The following TTC1 variants were observed in gnomAD, a reference collection of about 807,000 sequenced individuals.
TTC1 encodes the protein tetratricopeptide repeat domain 1, also known as tetratricopeptide repeat protein 1.
TTC1 carries 31 observed loss-of-function variants against 37.6 expected under a neutral mutation model. The ratio of observed to expected loss-of-function variants is 0.82; its 90% CI spans 0.62 to 1.11. The LOEUF is 1.11. Ranked by LOEUF, TTC1 falls within the 50% of genes most tolerant of loss-of-function variation. The pLI, the probability that TTC1 is intolerant of heterozygous loss-of-function variation, is 0.00. For synonymous variants in TTC1, 127 were observed against 122.4 expected (o/e 1.04, Z -0.25); for missense variants, 351 against 339.0 (o/e 1.04, Z -0.28).
chr5:160,054,832 C>T (rs1200110226), intron 7 of TTC1, among the ~76,000 whole-genome samples: 1 of 151,886 alleles, frequency 6.6e-6, no homozygotes, highest in African/African-American at 2.4e-5. Flanking sequence ...TTCAATTTTA[C>T]AGTAGTAAAT....
chr5:160,056,926 C>T (rs1468241003), intron 7 of TTC1, among the ~76,000 whole-genome samples: 2 of 152,146 alleles, frequency 1.3e-5, no homozygotes, highest in East Asian at 1.9e-4. Flanking sequence ...TGACTTGTTA[C>T]CACCCCTCTT....
rs1581089404 is a variant in TTC1 at position 160,010,557 on chromosome 5, T to C, written c.29T>C (p.Val10Ala). 1 of 1,613,756 alleles carries C rather than the reference T, an allele frequency of 6.2e-7. No individual in the cohort carries two copies. The highest frequency in any genetic ancestry group is 8.5e-7 in the Non-Finnish European group (1 of 1,179,898). Reference protein sequence around the residue: MGEKSENCGVPEDLLNGLKV... With the variant: MGEKSENCGAPEDLLNGLKV... ...GGGGAGAAGTCAGAGAACTGTGGGG[T>C]TCCAGAGGATCTGTTAAATGGTTTG... Residue 10 changes from valine (V) to alanine (A), a missense_variant, in exon 2 of 8, where the codon GTT becomes GCT. Val to Ala is a moderately conservative substitution (Grantham distance 64). Coordinates refer to ENST00000231238, the MANE Select transcript of TTC1 (RefSeq NM_003314.3).
chr5:160,049,220 A>G (rs1233079245), intron 5 of TTC1, among the ~76,000 whole-genome samples: 1 of 152,232 alleles, frequency 6.6e-6, no homozygotes, highest in African/African-American at 2.4e-5. Flanking sequence ...GTGTCCATAA[A>G]TAGTTTATTG....
chr5:160,045,514 ATACACACTCTCTCTCT>A (rs1420815746), intron 5 of TTC1, among the ~76,000 whole-genome samples: 38 of 29,736 alleles, frequency 1.3e-3, no homozygotes, highest in African/African-American at 6.2e-3. Context: ...ACACACACAC[ATACACACTCTCTCTCT>A]CTCTCTCTCT....
intron 2 of TTC1, 34 bp downstream of exon 2, chr5:160,010,892 CT>C: frequency 6.4e-7 from 1 of 1,572,524 alleles, no homozygotes; most frequent in Non-Finnish European, 8.7e-7. Flanking sequence ...AGATCTGCCA[CT>C]TACACTGCAT....
chr5:160,019,274 TTTCTC>T (rs889025474), intron 2 of TTC1, among the ~76,000 whole-genome samples: 6 of 152,182 alleles, frequency 3.9e-5, no homozygotes, highest in African/African-American at 1.4e-4. Flanking sequence ...TTAAGGTCAT[TTTCTC>T]TTTAGGAACC....
chr5:160,055,735 G>C (rs1409285569), intron 7 of TTC1, among the ~76,000 whole-genome samples: 1 of 152,250 alleles, frequency 6.6e-6, no homozygotes, highest in Non-Finnish European at 1.5e-5. Flanking sequence ...TGAGGGGTTA[G>C]AGGCCAGAGG....
chr5:160,025,572 C>T (rs1685912676), intron 2 of TTC1, among the ~76,000 whole-genome samples: 1 of 152,182 alleles, frequency 6.6e-6, no homozygotes, highest in Admixed American at 6.5e-5. Context: ...GTTCTTGACA[C>T]CAAGGGAATT....
chr5:160,042,286 T>C (rs1757113699), intron 4 of TTC1, among the ~76,000 whole-genome samples: 1 of 152,262 alleles, frequency 6.6e-6, no homozygotes, highest in Non-Finnish European at 1.5e-5. Context: ...CTGTGAAATA[T>C]TCTGCAAAAT....
chr5:160,014,516 T>TAA lies in TTC1; in HGVS notation c.330+3658_330+3659insAA, dbSNP rs1561624333. ...CTGTCTTTCCAAAAAAAAAAAAATT[T>TAA]TTTTTTAATTAAAATTTTTTAAAAA... is the stretch of plus-strand genomic sequence containing the variant. On this transcript the variant is annotated intron_variant, in intron 2 of 7. Transcript: ENST00000231238. Among the ~76,000 whole-genome samples the TAA allele has an allele frequency of 7.9e-4, 120 of 151,114 alleles. 1 individual carries two copies. The highest frequency in any genetic ancestry group is 2.8e-3 in the African/African-American group (114 of 41,012).
chr5:160,030,779 G>T (rs934706960), intron 2 of TTC1, among the ~76,000 whole-genome samples: 2 of 152,188 alleles, frequency 1.3e-5, no homozygotes, highest in Admixed American at 1.3e-4. Context: ...TTCTATGGAA[G>T]TATAATTCAA....
At chr5:160,061,624 A>G (rs1753403782) in intron 7 of TTC1, among the ~76,000 whole-genome samples, 1 of 151,588 alleles carries the variant, frequency 6.6e-6, no homozygotes, top group Non-Finnish European at 1.5e-5. Flanking sequence ...TATTATATAT[A>G]TGTAATCTCA....
chr5:160,031,859 C>G (rs1331600758), intron 2 of TTC1, among the ~76,000 whole-genome samples: 1 of 151,988 alleles, frequency 6.6e-6, no homozygotes, highest in Non-Finnish European at 1.5e-5. Context: ...AAGAAATTAC[C>G]TAGGGGCAGT....
intron 2 of TTC1, among the ~76,000 whole-genome samples, chr5:160,034,868 T>G (rs974520963): frequency 6.6e-6 from 1 of 152,212 alleles, no homozygotes; most frequent in Non-Finnish European, 1.5e-5. Context: ...GTAATTATCA[T>G]TCCATTGCAA....
At chr5:160,062,712 G>T (rs548004463) in intron 7 of TTC1, among the ~76,000 whole-genome samples, 16 of 152,280 alleles carry the variant, frequency 1.1e-4, no homozygotes, top group African/African-American at 3.6e-4. Flanking sequence ...AGTCTGATGT[G>T]AGTGGCTCTT....
chr5:160,015,693 T>G (rs973803155), intron 2 of TTC1, among the ~76,000 whole-genome samples: 3 of 152,132 alleles, frequency 2.0e-5, no homozygotes, highest in African/African-American at 7.2e-5. Context: ...AACTACTAAG[T>G]GTAAGTAAAG....
chr5:160,034,976 T>C (rs76650841), intron 2 of TTC1, among the ~76,000 whole-genome samples, 164 bp from the exon 3 acceptor site: 7,123 of 152,322 alleles, frequency 0.047, 188 homozygotes, highest in Non-Finnish European at 0.068. Flanking sequence ...GATGGTCATG[T>C]GTTTTTTTTC....
intron 7 of TTC1, among the ~76,000 whole-genome samples, chr5:160,051,619 T>A (rs529336302): frequency 2.6e-5 from 4 of 152,228 alleles, no homozygotes; most frequent in African/African-American, 9.6e-5. Flanking sequence ...GTCCCTTTAG[T>A]GTTTGAGAAC....
chr5:160,020,476 C>A (rs1756684674), intron 2 of TTC1, among the ~76,000 whole-genome samples: 1 of 152,190 alleles, frequency 6.6e-6, no homozygotes, highest in African/African-American at 2.4e-5. Flanking sequence ...GGTCGTCAAC[C>A]CCCGGCCATG....
Sources: allele counts gnomAD v4.1 joint callset (sites outside exome capture counted in the v4.1 genomes callset), GRCh38; gene constraint gnomAD v4.1.1; transcripts MANE v1.5; gene names NCBI Gene and HGNC (gene_info 2026-07-23, HGNC 2026-07-21).